Variants in FSTL5 observed in about 807,000 individuals in gnomAD.
FSTL5 encodes follistatin-related protein 5.
A neutral mutation model predicts 89.1 loss-of-function variants in FSTL5; 62 were observed. That is an observed-to-expected ratio of 0.70 (90% CI 0.57 to 0.86). The LOEUF (loss-of-function observed/expected upper bound fraction) is 0.86. FSTL5 is among the 40% of genes least tolerant of loss of function. The probability of loss-of-function intolerance (pLI) is 0.00; values close to 1 mark genes in which losing one functional copy is unlikely to be tolerated. For missense variants in FSTL5, 1,057 were observed against 1,001.6 expected, an observed-to-expected ratio of 1.06 and a Z score of -0.75; for synonymous variants, 383 against 346.2, an observed-to-expected ratio of 1.11 and a Z score of -1.18.
At chr4:161,638,532 G>T (rs1198067390) in intron 7 of FSTL5, among the ~76,000 whole-genome samples, 1 of 151,796 alleles carries the variant, frequency 6.6e-6, no homozygotes, top group African/African-American at 2.4e-5. Flanking sequence ...AAAGAGTCCA[G>T]GACCAGATGG....
intron 4 of FSTL5, among the ~76,000 whole-genome samples, chr4:161,908,495 CAATTA>C (rs1313636607): frequency 1.3e-5 from 2 of 151,922 alleles, no homozygotes; most frequent in Non-Finnish European, 2.9e-5. Context: ...TACTGATGCT[CAATTA>C]AATTAATTCA....
intron 3 of FSTL5, among the ~76,000 whole-genome samples, chr4:161,975,347 C>T (rs1735603989): frequency 6.6e-6 from 1 of 152,086 alleles, no homozygotes; most frequent in African/African-American, 2.4e-5. Flanking sequence ...AGACTTGGAA[C>T]CAACCCAAAC....
chr4:161,708,328 T>G (rs1166209970), intron 6 of FSTL5, among the ~76,000 whole-genome samples: 2 of 152,006 alleles, frequency 1.3e-5, no homozygotes, highest in Admixed American at 6.6e-5. Flanking sequence ...TACCTAAAAT[T>G]AGAGGCACTT....
chr4:161,881,081 A>G (rs1732613258), intron 4 of FSTL5, among the ~76,000 whole-genome samples: 1 of 151,688 alleles, frequency 6.6e-6, no homozygotes, highest in South Asian at 2.1e-4. Context: ...ATGATATAAT[A>G]ATTTGTGATA....
At position 161,663,576 on chromosome 4, in the gene FSTL5, C is replaced by T. The variant is rs181344861; in HGVS notation, c.728-7082G>A. Among the ~76,000 whole-genome samples the T allele has an allele frequency of 3.7e-3, 558 of 152,288 alleles. 3 individuals carry two copies. Among genetic ancestry groups the T allele is most frequent in the Non-Finnish European group, 5.0e-3 (343 of 68,022 alleles). ...GTCTTGGTCAGCTCAGCCCCTGTGG[C>T]ATTGCAGGGTACAGCCTCCCTCCCA... On this transcript the variant is annotated intron_variant, in intron 6 of 15. Transcript: ENST00000306100.
At chr4:161,393,299 T>A (rs1485224584) in intron 15 of FSTL5, among the ~76,000 whole-genome samples, 2 of 152,024 alleles carry the variant, frequency 1.3e-5, no homozygotes, top group Non-Finnish European at 2.9e-5. Context: ...TTGCATGAGT[T>A]GGATTCTAGA....
chr4:161,659,698 A>T (rs1736641741), intron 6 of FSTL5, among the ~76,000 whole-genome samples: 1 of 152,122 alleles, frequency 6.6e-6, no homozygotes, highest in South Asian at 2.1e-4. Context: ...ATTACTGTAA[A>T]TTGCCTCTGA....
chr4:161,988,618 C>G (rs1736028013), intron 3 of FSTL5, among the ~76,000 whole-genome samples: 1 of 152,014 alleles, frequency 6.6e-6, no homozygotes, highest in South Asian at 2.1e-4. Flanking sequence ...TTAAATAAAT[C>G]AGAAATATGA....
chr4:161,985,464 T>C (rs1373109000), intron 3 of FSTL5, among the ~76,000 whole-genome samples: 1 of 152,046 alleles, frequency 6.6e-6, no homozygotes, highest in African/African-American at 2.4e-5. Context: ...TAATATTACA[T>C]AGTTTCACCA....
At chr4:161,496,325 G>A (rs931074596) in intron 12 of FSTL5, among the ~76,000 whole-genome samples, 5 of 152,146 alleles carry the variant, frequency 3.3e-5, no homozygotes, top group African/African-American at 1.2e-4. Flanking sequence ...AGCATGGCTA[G>A]CCTATGGTGC....
chr4:161,877,976 C>T (rs1732503103), intron 4 of FSTL5, among the ~76,000 whole-genome samples: 1 of 117,630 alleles, frequency 8.5e-6, no homozygotes, highest in African/African-American at 2.9e-5. Flanking sequence ...TTTTTAGGTG[C>T]ATATATTTAT....
intron 10 of FSTL5, among the ~76,000 whole-genome samples, chr4:161,531,172 A>T (rs1268949507): frequency 1.3e-5 from 2 of 152,208 alleles, no homozygotes; most frequent in African/African-American, 4.8e-5. Flanking sequence ...CACATGAGAA[A>T]ACTTCCAGTG....
chr4:161,725,164 C>G (rs1307413096), intron 6 of FSTL5, among the ~76,000 whole-genome samples: 1 of 152,110 alleles, frequency 6.6e-6, no homozygotes, highest in African/African-American at 2.4e-5. Context: ...CCACTGCACT[C>G]CAGCCTGTCC....
At chr4:161,705,923 T>C (rs1738548826) in intron 6 of FSTL5, among the ~76,000 whole-genome samples, 1 of 116,662 alleles carries the variant, frequency 8.6e-6, no homozygotes, top group East Asian at 2.6e-4. Context: ...AAAAGAAAAA[T>C]ACATATGCAT....
intron 8 of FSTL5, among the ~76,000 whole-genome samples, chr4:161,571,474 T>C (rs1733007802): frequency 6.6e-6 from 1 of 151,550 alleles, no homozygotes; most frequent in South Asian, 2.1e-4. Flanking sequence ...AAAGTCCACA[T>C]CAAAAAGAAG....
chr4:161,560,233 A>G (rs1007909165), intron 8 of FSTL5, among the ~76,000 whole-genome samples: 13 of 151,922 alleles, frequency 8.6e-5, no homozygotes, highest in African/African-American at 3.1e-4. Flanking sequence ...AAAGTAAGAT[A>G]TAATATAAAA....
chr4:161,857,323 G>C (rs900127750), intron 4 of FSTL5, among the ~76,000 whole-genome samples: 1 of 152,196 alleles, frequency 6.6e-6, no homozygotes, highest in Non-Finnish European at 1.5e-5. Flanking sequence ...AGAAGGGAAA[G>C]AAGGGAGAAA....
At chr4:161,826,655 T>C (rs898838235) in intron 4 of FSTL5, among the ~76,000 whole-genome samples, 2 of 152,210 alleles carry the variant, frequency 1.3e-5, no homozygotes, top group Non-Finnish European at 2.9e-5. Context: ...CCTTTCTTTG[T>C]GTTTTTTATG....
chr4:161,565,427 GA>G (rs369227122), intron 8 of FSTL5, among the ~76,000 whole-genome samples: 2 of 151,516 alleles, frequency 1.3e-5, no homozygotes, highest in East Asian at 1.9e-4. Flanking sequence ...GTTTTTGAGG[GA>G]AAAAATGCTA....
Sources: gnomAD v4.1 joint callset for allele counts (sites outside exome capture counted in the v4.1 genomes callset) on GRCh38, gnomAD v4.1.1 for gene constraint, MANE v1.5 for transcripts, NCBI Gene and HGNC (gene_info 2026-07-23, HGNC 2026-07-21) for gene names.